Variants in CSMD1 observed in about 807,000 individuals in gnomAD.
CSMD1 encodes the protein CUB and Sushi multiple domains 1.
Under a neutral mutation model 417.5 loss-of-function variants are expected in CSMD1, and 213 were observed. The observed-to-expected ratio is 0.51, with a 90% CI of 0.46 to 0.57. CSMD1 has a LOEUF of 0.57. Ranked by LOEUF, CSMD1 falls within the 20% of genes least tolerant of loss-of-function variation. CSMD1 has a pLI of 0.00. For missense variants in CSMD1, 6,923 were observed against 4,529.7 expected, an observed-to-expected ratio of 1.53 and a Z score of -15.17; for synonymous variants, 2,862 against 1,736.8, an observed-to-expected ratio of 1.65 and a Z score of -16.11.
intron 3 of CSMD1, among the ~76,000 whole-genome samples, chr8:4,282,960 C>G (rs1240481675): frequency 6.6e-6 from 1 of 152,098 alleles, no homozygotes; most frequent in Non-Finnish European, 1.5e-5. Context: ...ACTTTTCAGT[C>G]TCATATATTC....
intron 4 of CSMD1, among the ~76,000 whole-genome samples, chr8:4,002,169 C>T (rs1007279389): frequency 6.6e-6 from 1 of 151,968 alleles, no homozygotes; most frequent in African/African-American, 2.4e-5. Flanking sequence ...AAATCTTTAG[C>T]ACAGAATGAG....
intron 7 of CSMD1, among the ~76,000 whole-genome samples, chr8:3,663,041 G>C (rs76689476): frequency 5.3e-4 from 81 of 152,198 alleles, no homozygotes; most frequent in African/African-American, 1.8e-3. Flanking sequence ...CATTTGTCTG[G>C]CAGTGGGAAT....
chr8:3,990,439 G>T (rs890160324), intron 5 of CSMD1, among the ~76,000 whole-genome samples: 2 of 152,032 alleles, frequency 1.3e-5, no homozygotes, highest in African/African-American at 4.8e-5. Flanking sequence ...TTTTCCTATT[G>T]GTCCCATCTT....
At chr8:4,337,052 T>C (rs767016205) in intron 3 of CSMD1, among the ~76,000 whole-genome samples, 1 of 152,090 alleles carries the variant, frequency 6.6e-6, no homozygotes, top group African/African-American at 2.4e-5. Context: ...GCCCACACAT[T>C]GCATTCTGCA....
chr8:3,656,820 G>C (rs796228708), intron 7 of CSMD1, among the ~76,000 whole-genome samples: 1 of 152,046 alleles, frequency 6.6e-6, no homozygotes, highest in African/African-American at 2.4e-5. Context: ...AGCTATTCAG[G>C]AGGCTGAGGC....
intron 5 of CSMD1, among the ~76,000 whole-genome samples, chr8:3,859,385 T>C (rs1323208536): frequency 6.6e-6 from 1 of 152,218 alleles, no homozygotes; most frequent in Non-Finnish European, 1.5e-5. Flanking sequence ...TTTATAAATA[T>C]CTTTGGAAAT....
intron 8 of CSMD1, among the ~76,000 whole-genome samples, chr8:3,594,645 C>G (rs1226824090): frequency 6.6e-6 from 1 of 152,194 alleles, no homozygotes; most frequent in African/African-American, 2.4e-5. Flanking sequence ...TACCCTCTGC[C>G]TCCACCTCAC....
intron 1 of CSMD1, among the ~76,000 whole-genome samples, chr8:4,803,158 T>C (rs1483794304): frequency 6.6e-6 from 1 of 152,198 alleles, no homozygotes; most frequent in Non-Finnish European, 1.5e-5. Flanking sequence ...TATATGAATA[T>C]AAGCTATTTG....
chr8:3,292,639 A>G (rs1027908376), intron 25 of CSMD1, among the ~76,000 whole-genome samples: 5 of 152,196 alleles, frequency 3.3e-5, no homozygotes, highest in African/African-American at 9.7e-5. Flanking sequence ...ATCAGAGACT[A>G]GGATGGCAAC....
chr8:4,862,532 T>G (rs959576281), intron 1 of CSMD1, among the ~76,000 whole-genome samples: 1 of 151,676 alleles, frequency 6.6e-6, no homozygotes, highest in African/African-American at 2.4e-5. Flanking sequence ...CGAAGAAGAG[T>G]AGTGGAGGTG....
chr8:4,347,484 C>T (rs1012479999), intron 3 of CSMD1, among the ~76,000 whole-genome samples: 11 of 152,098 alleles, frequency 7.2e-5, no homozygotes, highest in African/African-American at 2.2e-4. Context: ...AAGGAAATTG[C>T]AAGACTAAAG....
In CSMD1 at chr8:4,195,071, C is replaced by T. The variant is rs2656299; in HGVS notation, c.416-162972G>A. On this transcript the variant is annotated intron_variant, in intron 3 of 69. Coordinates refer to ENST00000635120, the MANE Select transcript of CSMD1 (RefSeq NM_033225.6). The stretch of plus-strand genomic sequence containing the variant: ...ATTACAAAGCAGTATTCAGCTGTTA[C>T]GCCTAGAATTCTGCCCATGAAATTG... 8.6e-5 allele frequency among the ~76,000 whole-genome samples: 13 copies of T among 151,966 alleles called. No individual in the cohort carries two copies. In the South Asian group the frequency reaches 1.0e-3, roughly 12 times the overall value.
intron 7 of CSMD1, among the ~76,000 whole-genome samples, chr8:3,670,578 GATATATATGGGGATATATATATTGCAC>G (rs1296895872): frequency 1.3e-4 from 14 of 109,526 alleles, no homozygotes; most frequent in South Asian, 6.3e-4. Flanking sequence ...ATATATATGG[GATATATATGGGGATATATATATTGCAC>G]ATATATATGG....
chr8:4,367,571 A>C (rs1395940623), intron 3 of CSMD1, among the ~76,000 whole-genome samples: 1 of 152,048 alleles, frequency 6.6e-6, no homozygotes, highest in African/African-American at 2.4e-5. Context: ...TAAATTTTAG[A>C]ATGGTTTTTC....
At chr8:3,470,730 T>A (rs957641713) in intron 11 of CSMD1, among the ~76,000 whole-genome samples, 2 of 152,112 alleles carry the variant, frequency 1.3e-5, no homozygotes, top group Non-Finnish European at 2.9e-5. Context: ...TCAGTATCCA[T>A]CTCTAAATTA....
intron 3 of CSMD1, among the ~76,000 whole-genome samples, chr8:4,257,641 C>G (rs908970699): frequency 2.6e-5 from 4 of 152,156 alleles, no homozygotes; most frequent in Non-Finnish European, 5.9e-5. Context: ...TCAGGAAATA[C>G]ATCACATTGG....
At chr8:4,013,802 GTCTA>G (rs1463147376) in intron 4 of CSMD1, among the ~76,000 whole-genome samples, 1 of 152,166 alleles carries the variant, frequency 6.6e-6, no homozygotes, top group East Asian at 1.9e-4. Context: ...AACACAGCCA[GTCTA>G]TCTGTTTAGG....
intron 3 of CSMD1, among the ~76,000 whole-genome samples, chr8:4,406,804 GTGACTAACAAAGT>G: frequency 6.6e-6 from 1 of 152,302 alleles, no homozygotes; most frequent in East Asian, 1.9e-4. Context: ...TTTGATGAAG[GTGACTAACAAAGT>G]TGTCTTGTCA....
At chr8:4,402,503 C>T (rs1804709745) in intron 3 of CSMD1, among the ~76,000 whole-genome samples, 1 of 152,180 alleles carries the variant, frequency 6.6e-6, no homozygotes, top group Non-Finnish European at 1.5e-5. Flanking sequence ...CTCTCCCAAG[C>T]ATCCATATAG....
Sources: gnomAD v4.1 joint callset for allele counts (sites outside exome capture counted in the v4.1 genomes callset) on GRCh38, gnomAD v4.1.1 for gene constraint, MANE v1.5 for transcripts, NCBI Gene and HGNC (gene_info 2026-07-23, HGNC 2026-07-21) for gene names.